The following HGF variants were observed in gnomAD, a reference collection of about 807,000 sequenced individuals.
HGF encodes the protein fibroblast-derived tumor cytotoxic factor.
Under a neutral mutation model 111.6 loss-of-function variants are expected in HGF, and 39 were observed. The ratio of observed to expected loss-of-function variants is 0.35; its 90% CI spans 0.27 to 0.46. The LOEUF is 0.46. Among genes scored for constraint, HGF ranks in the 20% least tolerant of loss-of-function variants. The probability of loss-of-function intolerance (pLI) is 1.00; values close to 1 mark genes in which losing one functional copy is unlikely to be tolerated. For missense variants in HGF, 735 were observed against 910.5 expected, an observed-to-expected ratio of 0.81 and a Z score of 2.48; for synonymous variants, 285 against 294.8, an observed-to-expected ratio of 0.97 and a Z score of 0.34.
intron 10 of HGF, among the ~76,000 whole-genome samples, chr7:81,717,623 C>T (rs1789748374): frequency 6.6e-6 from 1 of 151,926 alleles, no homozygotes; most frequent in African/African-American, 2.4e-5. Context: ...TGTGATTTTG[C>T]CTCTATTTGG....
At chr7:81,716,603 C>T (rs902576902) in intron 11 of HGF, among the ~76,000 whole-genome samples, 2 of 152,022 alleles carry the variant, frequency 1.3e-5, no homozygotes, top group South Asian at 2.1e-4. Flanking sequence ...CTTTTTCTTA[C>T]TGATATCTAG....
intron 11 of HGF, among the ~76,000 whole-genome samples, chr7:81,716,090 C>T (rs1366202367): frequency 4.6e-5 from 7 of 152,076 alleles, no homozygotes; most frequent in African/African-American, 1.4e-4. Context: ...CATCTCAATA[C>T]GTATTACTAG....
At chr7:81,753,328 C>A (rs1451287015) in intron 4 of HGF, among the ~76,000 whole-genome samples, 1 of 150,246 alleles carries the variant, frequency 6.7e-6, no homozygotes, top group Non-Finnish European at 1.5e-5. Flanking sequence ...ACAGGTAATA[C>A]CAGTAAACAT....
intron 5 of HGF, chr7:81,751,682 A>G (rs1291429151): frequency 2.9e-6 from 3 of 1,024,670 alleles, no homozygotes; most frequent in Middle Eastern, 4.8e-4. Context: ...CTGGGTCCAT[A>G]TACCCTTGTC....
chr7:81,749,379 G>A (rs1788400020), intron 5 of HGF, among the ~76,000 whole-genome samples: 1 of 152,024 alleles, frequency 6.6e-6, no homozygotes, highest in African/African-American at 2.4e-5. Context: ...AATGGATTTT[G>A]CATACCTCAA....
intron 11 of HGF, among the ~76,000 whole-genome samples, chr7:81,713,448 C>T (rs1583925488): frequency 6.6e-6 from 1 of 151,936 alleles, no homozygotes; most frequent in African/African-American, 2.4e-5. Context: ...ATCGCTTAAA[C>T]CTGGGAGGCA....
At chr7:81,759,306 A>G (rs1788943775) in intron 2 of HGF, among the ~76,000 whole-genome samples, 1 of 152,186 alleles carries the variant, frequency 6.6e-6, no homozygotes, top group Non-Finnish European at 1.5e-5. Flanking sequence ...GACATTTTCT[A>G]AGGTGCATTA....
intron 7 of HGF, among the ~76,000 whole-genome samples, chr7:81,736,887 G>A (rs1479253110): frequency 7.3e-6 from 1 of 137,728 alleles, no homozygotes; most frequent in African/African-American, 2.9e-5. Flanking sequence ...TAATTTATGT[G>A]TAGAGGGGTG....
intron 7 of HGF, among the ~76,000 whole-genome samples, chr7:81,736,894 G>GTGTGTGTGTGTGTGTGTGTGTGTGT (rs1554369033): frequency 2.1e-5 from 3 of 141,966 alleles, no homozygotes; most frequent in Non-Finnish European, 4.6e-5. Context: ...TGTGTAGAGG[G>GTGTGTGTGTGTGTGTGTGTGTGTGT]GTGTGTGTGT....
Position 81,764,686 on chromosome 7 carries a change from C to T in HGF, c.89-1814G>A, listed in dbSNP as rs373512297. On this transcript the variant is annotated intron_variant, in intron 1 of 17. Coordinates refer to ENST00000222390, the MANE Select transcript of HGF (RefSeq NM_000601.6). Reference sequence around the variant, plus strand: ...TGGATTTTTAAAAATGTTATAAATACGCAAAGTTTTAGTTTTGTTTTTGAA... The same window carrying T: ...TGGATTTTTAAAAATGTTATAAATATGCAAAGTTTTAGTTTTGTTTTTGAA... Among the ~76,000 whole-genome samples, 374 of 151,888 alleles carry T rather than the reference C, an allele frequency of 2.5e-3. 1 individual carries two copies. Among genetic ancestry groups the T allele is most frequent in the African/African-American group, 8.1e-3 (335 of 41,466 alleles).
chr7:81,769,403 A>C (rs1427178078), intron 1 of HGF, among the ~76,000 whole-genome samples: 1 of 152,226 alleles, frequency 6.6e-6, no homozygotes, highest in Non-Finnish European at 1.5e-5. Context: ...TCAAAATGAA[A>C]ACCTGTACAA....
chr7:81,745,022 G>C lies in HGF; in HGVS notation c.724C>G (p.Arg242Gly), dbSNP rs202185530. The change falls in exon 6 of 18, where the codon CGG becomes GGG. Residue 242 changes from arginine (R) to glycine (G), a missense_variant. Transcript: ENST00000222390. The part of the protein sequence containing the change: ...CQRWDHQTPH[R>G]HKFLPERYPD... Reference sequence around the variant, plus strand: ...TACCTTTCAGGCAAGAATTTGTGCCGGTGTGGTGTCTGATGATCCCAGCGC... The same window carrying C: ...TACCTTTCAGGCAAGAATTTGTGCCCGTGTGGTGTCTGATGATCCCAGCGC... 1 of 1,613,952 alleles carries C rather than the reference G, an allele frequency of 6.2e-7. No homozygotes were observed. The highest frequency in any genetic ancestry group is 8.5e-7 in the Non-Finnish European group (1 of 1,179,954).
At chr7:81,723,283 T>C (rs1273393820) in intron 9 of HGF, among the ~76,000 whole-genome samples, 1 of 152,194 alleles carries the variant, frequency 6.6e-6, no homozygotes, top group Non-Finnish European at 1.5e-5. Context: ...GACACTTCTC[T>C]GAATTTACCC....
intron 7 of HGF, among the ~76,000 whole-genome samples, chr7:81,733,676 A>T (rs2115953380): frequency 6.6e-6 from 1 of 152,268 alleles, no homozygotes; most frequent in African/African-American, 2.4e-5. Context: ...GAATAAAGAT[A>T]TATTAGTACG....
intron 2 of HGF, 53 bp downstream of exon 2, chr7:81,762,654 A>C: frequency 2.3e-5 from 27 of 1,159,880 alleles, no homozygotes; most frequent in Middle Eastern, 2.0e-4. Flanking sequence ...TGATTATAAT[A>C]CATGCATGCT....
Position 81,702,568 on chromosome 7 carries a change from A to G in HGF, c.*13T>C. 1 of 1,603,730 alleles carries G rather than the reference A, an allele frequency of 6.2e-7. No individual in the cohort carries two copies. The highest frequency in any genetic ancestry group is 8.5e-7 in the Non-Finnish European group (1 of 1,171,382). On this transcript the variant is annotated 3_prime_UTR_variant, in exon 18 of 18. Transcript: ENST00000222390. Reference sequence around the variant, plus strand: ...AGTTGTATTGGTGGGTGCTTCAGACACACTTACTTCAGCTATGACTGTGGT... The same window carrying G: ...AGTTGTATTGGTGGGTGCTTCAGACGCACTTACTTCAGCTATGACTGTGGT...
intron 1 of HGF, 36 bp from the exon 2 acceptor site, chr7:81,762,908 T>C: frequency 1.6e-6 from 2 of 1,241,020 alleles, no homozygotes; most frequent in South Asian, 2.5e-5. Flanking sequence ...AAATAAACAT[T>C]GGAGAAATGT....
intron 1 of HGF, among the ~76,000 whole-genome samples, chr7:81,764,826 GT>G (rs1380115145): frequency 6.6e-6 from 1 of 151,916 alleles, no homozygotes; most frequent in Non-Finnish European, 1.5e-5. Context: ...TAGGAGATAA[GT>G]TTTTCCATTA....
chr7:81,744,156 A>G (rs773002416), intron 6 of HGF, among the ~76,000 whole-genome samples: 9 of 152,198 alleles, frequency 5.9e-5, no homozygotes, highest in Non-Finnish European at 1.2e-4. Context: ...AAAAACACCT[A>G]ACAGCAATTT....
Sources: gnomAD v4.1 joint callset for allele counts (sites outside exome capture counted in the v4.1 genomes callset) on GRCh38, gnomAD v4.1.1 for gene constraint, MANE v1.5 for transcripts, NCBI Gene and HGNC (gene_info 2026-07-23, HGNC 2026-07-21) for gene names.